HCN1: variants seen among roughly 807,000 people sequenced by gnomAD.
HCN1 encodes the protein potassium/sodium hyperpolarization-activated cyclic nucleotide-gated channel 1.
A neutral mutation model predicts 78.9 loss-of-function variants in HCN1; 13 were observed. That is an observed-to-expected ratio of 0.16 (90% CI 0.11 to 0.26). The LOEUF is 0.26. Ranked by LOEUF, HCN1 falls within the 10% of genes least tolerant of loss-of-function variation. The pLI, the probability that HCN1 is intolerant of heterozygous loss-of-function variation, is 1.00. For synonymous variants in HCN1, 552 were observed against 455.5 expected (o/e 1.21, Z -2.70); for missense variants, 810 against 1,154.3 (o/e 0.70, Z 4.32).
intron 6 of HCN1, among the ~76,000 whole-genome samples, chr5:45,303,049 G>A (rs544499768): frequency 3.3e-5 from 5 of 152,056 alleles, no homozygotes; most frequent in South Asian, 4.2e-4. Context: ...TTTTAGCAAG[G>A]TAAATTGCCA....
intron 6 of HCN1, 37 bp from the exon 7 acceptor site, chr5:45,267,290 G>T: frequency 1.9e-6 from 3 of 1,603,550 alleles, no homozygotes; most frequent in South Asian, 2.2e-5. Flanking sequence ...TGACTTGTTT[G>T]ATCATTTTCT....
At chr5:45,470,248 T>G (rs140794335) in intron 2 of HCN1, among the ~76,000 whole-genome samples, 3 of 152,162 alleles carry the variant, frequency 2.0e-5, no homozygotes, top group Non-Finnish European at 4.4e-5. Flanking sequence ...GGTGTTGGTT[T>G]GCTGTCTTGG....
chr5:45,642,658 T>A (rs1745478186), intron 2 of HCN1: 1 of 152,140 alleles, frequency 6.6e-6, no homozygotes, highest in African/African-American at 2.4e-5. Flanking sequence ...TTCCTCTGAA[T>A]TTTTATTGCA....
intron 2 of HCN1, among the ~76,000 whole-genome samples, chr5:45,550,074 G>T (rs1244829899): frequency 6.6e-6 from 1 of 152,112 alleles, no homozygotes; most frequent in Non-Finnish European, 1.5e-5. Context: ...TTCAACCATT[G>T]TGGAAGTCAG....
chr5:45,593,786 T>C (rs1282185741), intron 2 of HCN1, among the ~76,000 whole-genome samples: 1 of 152,076 alleles, frequency 6.6e-6, no homozygotes, highest in Non-Finnish European at 1.5e-5. Flanking sequence ...GCAATTCTCC[T>C]GCCTCAGTCT....
intron 2 of HCN1, among the ~76,000 whole-genome samples, chr5:45,522,472 T>C (rs1742634632): frequency 6.6e-6 from 1 of 152,010 alleles, no homozygotes; most frequent in Non-Finnish European, 1.5e-5. Flanking sequence ...CATTCATCAG[T>C]ACTATACCCC....
At position 45,426,614 on chromosome 5, in the gene HCN1, T is replaced by C. The variant is rs1017063865; in HGVS notation, c.1012-29904A>G. On this transcript the variant is annotated intron_variant, in intron 3 of 7. Coordinates refer to ENST00000303230, the MANE Select transcript of HCN1 (RefSeq NM_021072.4). ...CCCCTTCTGCCATGATTGTGAGGCC[T>C]CCTCAGCTGTGTGGAACTGTGAGTT... Among the ~76,000 whole-genome samples the C allele has an allele frequency of 1.1e-3, 172 of 152,294 alleles. 1 individual carries two copies. The highest frequency in any genetic ancestry group is 4.0e-3 in the African/African-American group (168 of 41,546).
chr5:45,425,927 A>C (rs1458990288), intron 3 of HCN1, among the ~76,000 whole-genome samples: 1 of 152,194 alleles, frequency 6.6e-6, no homozygotes, highest in Non-Finnish European at 1.5e-5. Context: ...GAACACATAA[A>C]AAGCATATAA....
At chr5:45,692,925 A>G (rs1379831368) in intron 1 of HCN1, among the ~76,000 whole-genome samples, 1 of 152,146 alleles carries the variant, frequency 6.6e-6, no homozygotes, top group Non-Finnish European at 1.5e-5. Flanking sequence ...AATCCTCTGG[A>G]TATCTTCATT....
intron 5 of HCN1, among the ~76,000 whole-genome samples, chr5:45,350,321 A>T (rs1746864266): frequency 6.6e-6 from 1 of 152,214 alleles, no homozygotes; most frequent in Admixed American, 6.5e-5. Flanking sequence ...ACAAAATTCA[A>T]CAACTCTTCA....
chr5:45,318,590 AAAG>A (rs1336559793), intron 5 of HCN1, among the ~76,000 whole-genome samples: 1 of 151,586 alleles, frequency 6.6e-6, no homozygotes, highest in East Asian at 1.9e-4. Context: ...AATAAAATAA[AAAG>A]AAAAGTATAA....
intron 3 of HCN1, among the ~76,000 whole-genome samples, chr5:45,408,513 G>A (rs1262086458): frequency 6.6e-6 from 1 of 152,128 alleles, no homozygotes; most frequent in Non-Finnish European, 1.5e-5. Flanking sequence ...TAGCCTAGGT[G>A]TGTAGTAGGC....
chr5:45,673,143 CAT>C (rs1394502236), intron 1 of HCN1, among the ~76,000 whole-genome samples: 6 of 151,352 alleles, frequency 4.0e-5, no homozygotes, highest in Non-Finnish European at 5.9e-5. Flanking sequence ...GGGTACTCGT[CAT>C]ATACTTTGTA....
chr5:45,326,751 T>G (rs1343513167), intron 5 of HCN1, among the ~76,000 whole-genome samples: 1 of 151,668 alleles, frequency 6.6e-6, no homozygotes, highest in Non-Finnish European at 1.5e-5. Context: ...TAGTTACAGT[T>G]CTGGTATGCA....
chr5:45,275,910 C>T (rs774234102), intron 6 of HCN1, among the ~76,000 whole-genome samples: 2 of 152,084 alleles, frequency 1.3e-5, no homozygotes, highest in South Asian at 2.1e-4. Flanking sequence ...TCTAGCAGCA[C>T]TCAAGTCGTC....
intron 2 of HCN1, among the ~76,000 whole-genome samples, chr5:45,556,376 T>A (rs117692146): frequency 5.9e-5 from 9 of 152,120 alleles, no homozygotes; most frequent in Middle Eastern, 3.4e-3. Flanking sequence ...ACATCCCATC[T>A]TTTCTCCTAC....
At chr5:45,477,344 T>A (rs1741542107) in intron 2 of HCN1, among the ~76,000 whole-genome samples, 1 of 152,262 alleles carries the variant, frequency 6.6e-6, no homozygotes, top group South Asian at 2.1e-4. Flanking sequence ...AGAATGGTGA[T>A]CTAAAGTTTT....
At chr5:45,496,237 C>G (rs1330554669) in intron 2 of HCN1, among the ~76,000 whole-genome samples, 1 of 151,780 alleles carries the variant, frequency 6.6e-6, no homozygotes, top group Non-Finnish European at 1.5e-5. Flanking sequence ...GTCCTGGACT[C>G]TTTTTGGTTG....
chr5:45,481,278 T>C (rs1176393358), intron 2 of HCN1, among the ~76,000 whole-genome samples: 1 of 152,220 alleles, frequency 6.6e-6, no homozygotes, highest in Non-Finnish European at 1.5e-5. Context: ...AGGATGTATA[T>C]ACCACGTTTT....
Sources: gnomAD v4.1 joint callset for allele counts (sites outside exome capture counted in the v4.1 genomes callset) on GRCh38, gnomAD v4.1.1 for gene constraint, MANE v1.5 for transcripts, NCBI Gene and HGNC (gene_info 2026-07-23, HGNC 2026-07-21) for gene names.